The following VSIG1 variants were observed in gnomAD, a reference collection of about 807,000 sequenced individuals.
The protein encoded by VSIG1 is V-set and immunoglobulin domain-containing protein 1.
VSIG1 carries 11 observed loss-of-function variants against 20.1 expected under a neutral mutation model. The ratio of observed to expected loss-of-function variants is 0.55; its 90% CI spans 0.34 to 0.91. VSIG1 has a LOEUF of 0.91. Ranked by LOEUF, VSIG1 falls within the 40% of genes least tolerant of loss-of-function variation. VSIG1 has a pLI of 0.02. For missense variants in VSIG1, 283 were observed against 298.8 expected (o/e 0.95, Z 0.39); for synonymous variants, 126 against 116.7 (o/e 1.08, Z -0.52).
intron 4 of VSIG1, 119 bp downstream of exon 4, chrX:108,072,951 C>CG: frequency 1.3e-6 from 1 of 774,977 alleles, no homozygotes; most frequent in Non-Finnish European, 1.8e-6. Flanking sequence ...TCAGTGGTGG[C>CG]GGGTGGAGGG....
intron 1 of VSIG1, among the ~76,000 whole-genome samples, chrX:108,050,561 A>C (rs772291960): frequency 2.0e-4 from 23 of 112,681 alleles, no homozygotes; most frequent in Non-Finnish European, 4.1e-4. Context: ...CCAAAGTGCC[A>C]TCACCTAAAA....
intron 5 of VSIG1, 148 bp from the exon 6 acceptor site, chrX:108,075,929 A>C (rs1285116368): frequency 4.8e-6 from 3 of 628,225 alleles, no homozygotes; most frequent in Non-Finnish European, 6.9e-6. Flanking sequence ...AGTCCAAATG[A>C]CAGAGTTCTA....
intron 2 of VSIG1, among the ~76,000 whole-genome samples, chrX:108,058,923 GGTGTGTGTGTGT>G (rs35330502): frequency 5.7e-5 from 6 of 105,711 alleles, no homozygotes; most frequent in African/African-American, 2.1e-4. Context: ...TATACTCAAA[GGTGTGTGTGTGT>G]GTGTGTGTGT....
chrX:108,051,188 A>G (rs1028568164), intron 1 of VSIG1, among the ~76,000 whole-genome samples: 2 of 110,833 alleles, frequency 1.8e-5, no homozygotes, highest in Admixed American at 1.9e-4. Context: ...GGAGGGTAGA[A>G]CAGACACGAG....
At chrX:108,034,393 C>T in the VSIG1 span, among the ~76,000 whole-genome samples, 2 of 111,753 alleles carry the variant, frequency 1.8e-5, no homozygotes, top group East Asian at 2.8e-4. Context: ...CAAGATCACA[C>T]GAAGTGGGCC....
chrX:108,077,635 T>G lies in VSIG1; in HGVS notation c.*254T>G. Reference sequence around the variant, plus strand: ...CATAACAAATGACAGGGCAAGTGATTTCTAACTTAGTTGAGTTTTGCAACA... The same window carrying G: ...CATAACAAATGACAGGGCAAGTGATGTCTAACTTAGTTGAGTTTTGCAACA... On this transcript the variant is annotated 3_prime_UTR_variant, in exon 7 of 7. Transcript: ENST00000217957. 1 of 350,330 alleles carries G rather than the reference T, an allele frequency of 2.9e-6. No homozygotes were observed. Among genetic ancestry groups the G allele is most frequent in the Non-Finnish European group, 4.9e-6 (1 of 204,144 alleles). 28.9% of individuals were successfully genotyped at this position (350,330 alleles called of 1,213,427 possible).
chrX:108,076,077 A>G lies in VSIG1; in HGVS notation c.689A>G (p.His230Arg). Reference protein sequence around the residue: ...SSCEIDLTSSHPEVGIIVGAL... With the variant: ...SSCEIDLTSSRPEVGIIVGAL... The stretch of plus-strand genomic sequence containing the variant: ...TTAACCAGCTGCTTGTATCCTTCAG[A>G]TCCAGAAGTTGGAATCATTGTTGGG... Residue 230 changes from histidine (H) to arginine (R), a missense_variant and splice_region_variant, in exon 6 of 7, where the codon CAT becomes CGT. Transcript: ENST00000217957. 8.3e-7 allele frequency: 1 copy of G among 1,211,167 alleles called. No homozygotes were observed. Among genetic ancestry groups the G allele is most frequent in the Non-Finnish European group, 1.1e-6 (1 of 895,177 alleles).
the VSIG1 span, among the ~76,000 whole-genome samples, chrX:108,030,443 C>T: frequency 9.0e-6 from 1 of 111,648 alleles, no homozygotes; most frequent in African/African-American, 3.3e-5. Context: ...GAAGAAGGTC[C>T]CTCAGTTCAT....
the VSIG1 span, among the ~76,000 whole-genome samples, chrX:108,034,537 GT>G: frequency 9.0e-6 from 1 of 111,459 alleles, no homozygotes; most frequent in African/African-American, 3.3e-5. Context: ...TTGTTTGTTT[GT>G]TTGTTTGTAG....
chrX:108,066,108 A>G (rs192682763), intron 2 of VSIG1, among the ~76,000 whole-genome samples: 147 of 111,242 alleles, frequency 1.3e-3, no homozygotes, highest in African/African-American at 4.7e-3. Context: ...ATGCTCTTTA[A>G]TAGAAATGGG....
chrX:108,055,717 A>G (rs1194218887), intron 1 of VSIG1, among the ~76,000 whole-genome samples: 2 of 111,837 alleles, frequency 1.8e-5, no homozygotes, highest in African/African-American at 6.5e-5. Flanking sequence ...AAATATGATC[A>G]TATCAACTGA....
chrX:108,045,020 G>T, upstream of VSIG1: 1 of 569,718 alleles, frequency 1.8e-6, no homozygotes, highest in Admixed American at 4.3e-5. Context: ...GCTTGGCGAT[G>T]CCCAGCAGAT....
chrX:108,027,582 A>G, the VSIG1 span, among the ~76,000 whole-genome samples: 1 of 112,281 alleles, frequency 8.9e-6, no homozygotes, highest in Non-Finnish European at 1.9e-5. Flanking sequence ...TTGGTTGCAC[A>G]ACATTGTAAA....
chrX:108,051,569 T>C (rs1218217262), intron 1 of VSIG1, among the ~76,000 whole-genome samples: 1 of 111,788 alleles, frequency 8.9e-6, no homozygotes, highest in Non-Finnish European at 1.9e-5. Flanking sequence ...TTTCCTAACA[T>C]AGTAGACAAA....
chrX:108,025,478 T>A, the VSIG1 span, among the ~76,000 whole-genome samples: 1 of 112,105 alleles, frequency 8.9e-6, no homozygotes, highest in African/African-American at 3.2e-5. Context: ...CTTTGGGACA[T>A]TGAATTGATA....
At chrX:108,042,527 A>C (rs1299983798), upstream of VSIG1, among the ~76,000 whole-genome samples, 1 of 111,725 alleles carries the variant, frequency 9.0e-6, no homozygotes, top group Non-Finnish European at 1.9e-5. Context: ...CAATGGTCAC[A>C]CTACTATAAT....
chrX:108,069,180 A>G (rs2031191495), intron 3 of VSIG1, among the ~76,000 whole-genome samples: 2 of 111,171 alleles, frequency 1.8e-5, no homozygotes, highest in Non-Finnish European at 3.8e-5. Flanking sequence ...AGCTCAGAGG[A>G]TCCCAAATCA....
chrX:108,046,831 A>G (rs977378611), intron 1 of VSIG1, among the ~76,000 whole-genome samples: 1 of 110,864 alleles, frequency 9.0e-6, no homozygotes. Context: ...TGACTTTTAG[A>G]ACAAGACCAA....
the VSIG1 span, among the ~76,000 whole-genome samples, chrX:108,038,137 GT>G: frequency 9.0e-6 from 1 of 110,959 alleles, no homozygotes; most frequent in Non-Finnish European, 1.9e-5. Flanking sequence ...GAACGTGCAG[GT>G]TTTTTACATA....
Sources: allele counts gnomAD v4.1 joint callset (sites outside exome capture counted in the v4.1 genomes callset), GRCh38; gene constraint gnomAD v4.1.1; transcripts MANE v1.5; gene names NCBI Gene and HGNC (gene_info 2026-07-23, HGNC 2026-07-21).